SLC24A3: variants seen among roughly 807,000 people sequenced by gnomAD.
SLC24A3 encodes the protein solute carrier family 24 member 3, also known as sodium/potassium/calcium exchanger 3.
A neutral mutation model predicts 75.8 loss-of-function variants in SLC24A3; 28 were observed. That is an observed-to-expected ratio of 0.37 (90% CI 0.27 to 0.51). SLC24A3 has a LOEUF of 0.51. Among genes scored for constraint, SLC24A3 ranks in the 20% least tolerant of loss-of-function variants. The probability of loss-of-function intolerance (pLI) is 0.94; values close to 1 mark genes in which losing one functional copy is unlikely to be tolerated. For synonymous variants in SLC24A3, 372 were observed against 334.1 expected, an observed-to-expected ratio of 1.11 and a Z score of -1.24; for missense variants, 663 against 847.8, an observed-to-expected ratio of 0.78 and a Z score of 2.71.
At chr20:19,696,021 T>C (rs996181024) in intron 13 of SLC24A3, among the ~76,000 whole-genome samples, 1 of 138,182 alleles carries the variant, frequency 7.2e-6, no homozygotes, top group African/African-American at 2.7e-5. Flanking sequence ...TTTTCTTTTT[T>C]TTTTTTTTTT....
intron 2 of SLC24A3, among the ~76,000 whole-genome samples, chr20:19,350,166 G>C (rs935288253): frequency 1.3e-5 from 2 of 152,180 alleles, no homozygotes; most frequent in Non-Finnish European, 1.5e-5. Context: ...TTCATAGCTA[G>C]GGAGTTTATA....
intron 3 of SLC24A3, among the ~76,000 whole-genome samples, chr20:19,567,512 G>T (rs1463281195): frequency 6.6e-6 from 1 of 152,182 alleles, no homozygotes; most frequent in African/African-American, 2.4e-5. Flanking sequence ...CTTGAGGGTA[G>T]GGGTGGGAGG....
At chr20:19,592,398 C>T (rs1171654511) in intron 6 of SLC24A3, among the ~76,000 whole-genome samples, 1 of 152,128 alleles carries the variant, frequency 6.6e-6, no homozygotes, top group Non-Finnish European at 1.5e-5. Context: ...TTTCCATAGC[C>T]AAATCAATAG....
At chr20:19,315,098 C>T (rs8116388) in intron 2 of SLC24A3, among the ~76,000 whole-genome samples, 11,650 of 152,252 alleles carry the variant, frequency 0.077, 1,445 homozygotes, top group African/African-American at 0.26. Context: ...TGCTCTGTTT[C>T]TGCTATTTTT....
intron 2 of SLC24A3, among the ~76,000 whole-genome samples, chr20:19,466,608 C>T (rs748069509): frequency 6.6e-6 from 1 of 152,112 alleles, no homozygotes; most frequent in East Asian, 1.9e-4. Context: ...TGGAAGTGTC[C>T]GATTTCCATG....
intron 3 of SLC24A3, among the ~76,000 whole-genome samples, chr20:19,566,296 C>T (rs1404793590): frequency 6.6e-6 from 1 of 152,220 alleles, no homozygotes; most frequent in Non-Finnish European, 1.5e-5. Flanking sequence ...GCTTTGACCA[C>T]ACTAAGCACG....
intron 2 of SLC24A3, among the ~76,000 whole-genome samples, chr20:19,402,925 T>C (rs1371084655): frequency 1.3e-5 from 2 of 152,258 alleles, no homozygotes; most frequent in African/African-American, 4.8e-5. Flanking sequence ...CACATGGCTC[T>C]TGAGCACTGG....
intron 1 of SLC24A3, among the ~76,000 whole-genome samples, chr20:19,275,802 C>G (rs887867540): frequency 2.0e-5 from 3 of 152,110 alleles, no homozygotes; most frequent in African/African-American, 7.2e-5. Flanking sequence ...GCCAACATCC[C>G]GTGCTATCCC....
At chr20:19,599,894 T>G (rs1226675986) in intron 6 of SLC24A3, among the ~76,000 whole-genome samples, 2 of 152,074 alleles carry the variant, frequency 1.3e-5, no homozygotes, top group East Asian at 3.9e-4. Flanking sequence ...GAGGAAAGCT[T>G]GAGAGGGGAA....
At chr20:19,530,535 G>A (rs1290936863) in intron 3 of SLC24A3, among the ~76,000 whole-genome samples, 1 of 152,184 alleles carries the variant, frequency 6.6e-6, no homozygotes, top group Non-Finnish European at 1.5e-5. Flanking sequence ...CCTTCAATAT[G>A]TCACTTGCCC....
intron 6 of SLC24A3, among the ~76,000 whole-genome samples, chr20:19,623,412 G>T (rs889088026): frequency 7.2e-5 from 11 of 152,178 alleles, no homozygotes; most frequent in Non-Finnish European, 1.6e-4. Context: ...CATCAAGGCT[G>T]TGGCTAGTTT....
chr20:19,672,612 C>T (rs554513402), intron 8 of SLC24A3, among the ~76,000 whole-genome samples: 7 of 152,126 alleles, frequency 4.6e-5, no homozygotes, highest in Admixed American at 2.0e-4. Context: ...GCTGGGATTA[C>T]AGGAGCGGGT....
At chr20:19,370,389 GT>G (rs1674861433) in intron 2 of SLC24A3, among the ~76,000 whole-genome samples, 1 of 152,198 alleles carries the variant, frequency 6.6e-6, no homozygotes, top group Non-Finnish European at 1.5e-5. Flanking sequence ...AATGACATTC[GT>G]GTTTTCAGGG....
chr20:19,469,440 A>G (rs1987827655), intron 2 of SLC24A3, among the ~76,000 whole-genome samples: 1 of 152,176 alleles, frequency 6.6e-6, no homozygotes, highest in African/African-American at 2.4e-5. Context: ...CATGTTCCCA[A>G]GCCGCCCCTG....
intron 3 of SLC24A3, among the ~76,000 whole-genome samples, chr20:19,576,852 T>A (rs1237518524): frequency 2.0e-5 from 3 of 152,102 alleles, no homozygotes; most frequent in Non-Finnish European, 4.4e-5. Flanking sequence ...CTTATTTAGA[T>A]CTTGATTAAT....
intron 9 of SLC24A3, among the ~76,000 whole-genome samples, chr20:19,678,133 C>T (rs1353260474): frequency 6.7e-6 from 1 of 150,006 alleles, no homozygotes; most frequent in African/African-American, 2.5e-5. Context: ...GGCAACCATT[C>T]GATTTCTCAA....
At chr20:19,382,967 C>A in intron 2 of SLC24A3, among the ~76,000 whole-genome samples, 1 of 152,140 alleles carries the variant, frequency 6.6e-6, no homozygotes, top group South Asian at 2.1e-4. Flanking sequence ...TATTTTCCAT[C>A]CATTTTTGAC....
At chr20:19,673,715 A>G in intron 9 of SLC24A3, 61 bp downstream of exon 9, 1 of 1,431,624 alleles carries the variant, frequency 7.0e-7, no homozygotes. Flanking sequence ...TTATGTGATG[A>G]TGTGGGAAGA....
At chr20:19,664,367 A>G (rs1328177797) in intron 7 of SLC24A3, among the ~76,000 whole-genome samples, 1 of 152,180 alleles carries the variant, frequency 6.6e-6, no homozygotes, top group Non-Finnish European at 1.5e-5. Context: ...CTAGTTTGAC[A>G]TTGTCATCCC....
Sources: gnomAD v4.1 joint callset for allele counts (sites outside exome capture counted in the v4.1 genomes callset) on GRCh38, gnomAD v4.1.1 for gene constraint, MANE v1.5 for transcripts, NCBI Gene and HGNC (gene_info 2026-07-23, HGNC 2026-07-21) for gene names.